Variants in AIFM2 observed in about 807,000 individuals in gnomAD.
AIFM2 encodes the protein ferroptosis suppressor protein 1.
Under a neutral mutation model 35.7 loss-of-function variants are expected in AIFM2, and 38 were observed. The ratio of observed to expected loss-of-function variants is 1.06; its 90% confidence interval spans 0.82 to 1.39. The LOEUF is 1.39. Ranked by LOEUF, AIFM2 falls within the 40% of genes most tolerant of loss-of-function variation. The probability of loss-of-function intolerance (pLI) is 0.00; values close to 1 mark genes in which losing one functional copy is unlikely to be tolerated. For synonymous variants in AIFM2, 185 were observed against 203.5 expected (o/e 0.91, Z 0.77); for missense variants, 476 against 491.2 (o/e 0.97, Z 0.29).
In AIFM2 at chr10:70,116,776, T is replaced by C. The variant is rs2136653172; in HGVS notation, c.617-2A>G. The C allele has an allele frequency of 6.2e-7, 1 of 1,613,762 alleles. No homozygotes were observed. Among genetic ancestry groups the C allele is most frequent in the South Asian group, 1.1e-5 (1 of 91,070 alleles). Reference sequence around the variant, plus strand: ...CCTCCAGATTGCTCACCCGCTCACCTAGAAGGGGGTTCATGACCAGGAGGC... The same window carrying C: ...CCTCCAGATTGCTCACCCGCTCACCCAGAAGGGGGTTCATGACCAGGAGGC... On this transcript the variant is annotated splice_acceptor_variant, in intron 6 of 8. Transcript: ENST00000307864. LOFTEE classifies it high-confidence loss of function.
chr10:70,121,630 G>A (rs1201431197), intron 3 of AIFM2, among the ~76,000 whole-genome samples: 1 of 151,458 alleles, frequency 6.6e-6, no homozygotes, highest in Non-Finnish European at 1.5e-5. Flanking sequence ...GGGAAAGAAA[G>A]AAAGACTGAT....
chr10:70,126,188 C>A lies in AIFM2; in HGVS notation c.-13-2091G>T, dbSNP rs531527876. 8.5e-5 allele frequency among the ~76,000 whole-genome samples: 13 copies of A among 152,372 alleles called. No individual in the cohort carries two copies. The South Asian group carries it at 2.5e-3, about 29-fold the overall frequency. On this transcript the variant is annotated intron_variant, in intron 1 of 8. Transcript: ENST00000307864. The stretch of plus-strand genomic sequence containing the variant: ...GGGGCACTCTTGACTGCAGCTGAGA[C>A]CCTGAGAGGTGACAAGCAATCAACC...
chr10:70,126,061 C>T (rs2136665073), intron 1 of AIFM2, among the ~76,000 whole-genome samples: 1 of 152,322 alleles, frequency 6.6e-6, no homozygotes, highest in South Asian at 2.1e-4. Flanking sequence ...GCACCAGAGG[C>T]CTTGCCTCCA....
chr10:70,115,139 C>A lies in AIFM2; in HGVS notation c.770-19G>T. The A allele has an allele frequency of 1.9e-6, 3 of 1,612,316 alleles. No homozygotes were observed. Among genetic ancestry groups the A allele is most frequent in the Non-Finnish European group, 2.5e-6 (3 of 1,179,350 alleles). On this transcript the variant is annotated intron_variant, in intron 7 of 8. Transcript: ENST00000307864. ...CTGCTCTCTGCCAGAAGAAATGACA[C>A]CGAAACCAAGACACTGAGCTGCTGT...
In AIFM2 at chr10:70,114,910, CCT is replaced by C. The variant is rs765447597; in HGVS notation, c.970+8_970+9del. 1 of 1,613,282 alleles carries C rather than the reference CCT, an allele frequency of 6.2e-7. No individual in the cohort carries two copies. Among genetic ancestry groups the C allele is most frequent in the East Asian group, 2.2e-5 (1 of 44,850 alleles). On this transcript the variant is annotated splice_region_variant and intron_variant, in intron 8 of 8. Transcript: ENST00000307864. The stretch of plus-strand genomic sequence containing the variant: ...TATTAAAACTGCAAAGCACATGGGG[CCT>C]CTCTTACCCGGCTTGTAGGCCTGGA...
intron 3 of AIFM2, among the ~76,000 whole-genome samples, chr10:70,121,815 G>A (rs1054516311): frequency 5.0e-5 from 7 of 141,250 alleles, no homozygotes; most frequent in Non-Finnish European, 7.4e-5. Context: ...TTTTAGGCCG[G>A]GCACAGTGGC....
chr10:70,121,468 G>T (rs1329696227), intron 3 of AIFM2, among the ~76,000 whole-genome samples: 1 of 152,078 alleles, frequency 6.6e-6, no homozygotes, highest in African/African-American at 2.4e-5. Flanking sequence ...AGAATGTGGG[G>T]GCAACTGGAG....
At chr10:70,125,676 G>A (rs937934113) in intron 1 of AIFM2, among the ~76,000 whole-genome samples, 4 of 151,706 alleles carry the variant, frequency 2.6e-5, no homozygotes, top group African/African-American at 9.7e-5. Context: ...TCCTTTTGTT[G>A]CCCAGGCTGG....
intron 7 of AIFM2, among the ~76,000 whole-genome samples, chr10:70,115,978 T>C (rs543074853): frequency 1.0e-3 from 154 of 152,186 alleles, no homozygotes; most frequent in African/African-American, 3.6e-3. Context: ...TTTCCTGGGA[T>C]TGGATCATTA....
At chr10:70,120,747 C>A in intron 4 of AIFM2, 148 bp from the exon 5 acceptor site, 1 of 861,992 alleles carries the variant, frequency 1.2e-6, no homozygotes. Context: ...TGCTTCCTCC[C>A]ACCCACCTCG....
chr10:70,114,722 C>T, intron 8 of AIFM2, 198 bp downstream of exon 8: 1 of 647,382 alleles, frequency 1.5e-6, no homozygotes, highest in Admixed American at 2.9e-5. Flanking sequence ...GATCTGCCCG[C>T]CTCGGCCTCC....
At chr10:70,119,623 A>C (rs552047577) in intron 5 of AIFM2, among the ~76,000 whole-genome samples, 41 of 152,340 alleles carry the variant, frequency 2.7e-4, no homozygotes, top group African/African-American at 8.2e-4. Flanking sequence ...TAACTAGATC[A>C]ATCACTCATC....
In AIFM2 at chr10:70,113,983, C is replaced by T; in HGVS notation, c.*195G>A. 1.5e-6 allele frequency: 1 copy of T among 687,450 alleles called. No individual in the cohort carries two copies. The highest frequency in any genetic ancestry group is 2.3e-6 in the Non-Finnish European group (1 of 432,648). 42.6% of individuals were successfully genotyped at this position (687,450 alleles called of 1,614,324 possible). On this transcript the variant is annotated 3_prime_UTR_variant, in exon 9 of 9. Coordinates refer to ENST00000307864, the MANE Select transcript of AIFM2 (RefSeq NM_032797.6). ...ACACCTTCCAAACCCAGAAAGTATC[C>T]TCTAAGGGGGGTATTTGTTTAATAC...
At position 70,114,147 on chromosome 10, in the gene AIFM2, G is replaced by T; in HGVS notation, c.*31C>A. On this transcript the variant is annotated 3_prime_UTR_variant, in exon 9 of 9. Transcript: ENST00000307864. ...CGCCAAGCAGTCCGTACGCCCACCT[G>T]CTGCGGTAGTTCTCCCGCCTGGCCT... 1 of 1,598,380 alleles carries T rather than the reference G, an allele frequency of 6.3e-7. No homozygotes were observed. Among genetic ancestry groups the T allele is most frequent in the African/African-American group, 1.3e-5 (1 of 74,330 alleles).
intron 7 of AIFM2, among the ~76,000 whole-genome samples, chr10:70,115,548 C>T (rs1313384207): frequency 6.6e-6 from 1 of 152,228 alleles, no homozygotes; most frequent in East Asian, 1.9e-4. Context: ...GGCCAGATCA[C>T]TTGAGGCCAG....
At chr10:70,120,430 C>T (rs1403119541) in intron 5 of AIFM2, 77 bp downstream of exon 5, 1 of 1,461,846 alleles carries the variant, frequency 6.8e-7, no homozygotes, top group Non-Finnish European at 9.6e-7. Context: ...CTGCCCTGAG[C>T]AAATTCCTGA....
At position 70,123,435 on chromosome 10, in the gene AIFM2, CTTCAG is replaced by C. The variant is rs1179315595; in HGVS notation, c.259_263del (p.Leu87GlufsTer32). ...CACCCTGCAGCAGCACCATCTGGTT[CTTCAG>C]GTCTATCCCCACTACTAGCCCCTGC... On this transcript the variant is annotated frameshift_variant, in exon 3 of 9. Transcript: ENST00000307864. LOFTEE classifies it high-confidence loss of function. 1 of 1,614,200 alleles carries C rather than the reference CTTCAG, an allele frequency of 6.2e-7. No homozygotes were observed. Among genetic ancestry groups the C allele is most frequent in the Admixed American group, 1.7e-5 (1 of 60,024 alleles).
Position 70,113,030 on chromosome 10 carries a change from A to T in AIFM2, c.*1148T>A, listed in dbSNP as rs2072395351. 1 of 152,188 alleles carries T rather than the reference A, an allele frequency of 6.6e-6. No homozygotes were observed. The highest frequency in any genetic ancestry group is 1.9e-4 in the East Asian group (1 of 5,190). The allele number at this position is 152,188 out of a possible 1,614,324, so 9.4% of individuals were successfully genotyped here. On this transcript the variant is annotated 3_prime_UTR_variant, in exon 9 of 9. Transcript: ENST00000307864. ...CCCGCAGAAACCCCCTCTGCTCGCT[A>T]ATGGGTAAGCAGATGGCACCCCGCA... is the stretch of plus-strand genomic sequence containing the variant.
At position 70,120,573 on chromosome 10, in the gene AIFM2, C is replaced by G. The variant is rs757919898; in HGVS notation, c.441G>C (p.Val147=). The change falls in exon 5 of 9, where the codon GTG becomes GTC. Residue 147 remains valine, a synonymous_variant. Transcript: ENST00000307864. The stretch of plus-strand genomic sequence containing the variant: ...CCACTCCAGCCGAGCCTCCTCCCAC[C>G]ACCACGATGAACCGTGAGCGCTGGA... ...RQVQRSRFIV[V]VGGGSAGVEM... 5 of 1,614,154 alleles carry G rather than the reference C, an allele frequency of 3.1e-6. No individual in the cohort carries two copies. Among genetic ancestry groups the G allele is most frequent in the Non-Finnish European group, 4.2e-6 (5 of 1,180,040 alleles).
Sources: allele counts gnomAD v4.1 joint callset (sites outside exome capture counted in the v4.1 genomes callset), GRCh38; gene constraint gnomAD v4.1.1; transcripts MANE v1.5; gene names NCBI Gene and HGNC (gene_info 2026-07-23, HGNC 2026-07-21).